Variants in SERINC5 observed in about 807,000 individuals in gnomAD.
SERINC5 encodes serine incorporator 5, also known as chromosome 5 open reading frame 12.
Under a neutral mutation model 63.1 loss-of-function variants are expected in SERINC5, and 41 were observed. The ratio of observed to expected loss-of-function variants is 0.65; its 90% CI spans 0.51 to 0.84. The LOEUF (loss-of-function observed/expected upper bound fraction) is 0.84. SERINC5 is among the 40% of genes least tolerant of loss of function. SERINC5 has a pLI of 0.00. For missense variants in SERINC5, 523 were observed against 573.0 expected (o/e 0.91, Z 0.89); for synonymous variants, 222 against 215.2 (o/e 1.03, Z -0.28).
intron 5 of SERINC5, among the ~76,000 whole-genome samples, chr5:80,170,137 A>G (rs1747554783): frequency 6.6e-6 from 1 of 152,182 alleles, no homozygotes; most frequent in African/African-American, 2.4e-5. Flanking sequence ...AGAGTTAATT[A>G]TGTAGTCTCA....
At chr5:80,186,926 CG>C (rs1748845119) in intron 2 of SERINC5, among the ~76,000 whole-genome samples, 1 of 151,964 alleles carries the variant, frequency 6.6e-6, no homozygotes, top group Admixed American at 6.6e-5. Flanking sequence ...GAGGCCAAGG[CG>C]GGCGGACTGC....
intron 4 of SERINC5, among the ~76,000 whole-genome samples, chr5:80,175,615 T>C (rs1041105584): frequency 2.0e-5 from 3 of 151,938 alleles, no homozygotes; most frequent in African/African-American, 7.3e-5. Context: ...ATGCCTGCAA[T>C]CCTAGCACTT....
At chr5:80,185,437 C>T (rs936203735) in intron 2 of SERINC5, among the ~76,000 whole-genome samples, 2 of 152,142 alleles carry the variant, frequency 1.3e-5, no homozygotes, top group Non-Finnish European at 2.9e-5. Context: ...AAGTGCTTAC[C>T]ACGGTTCCTA....
In SERINC5 at chr5:80,142,913, C is replaced by A; in HGVS notation, c.*750G>T. ...CCATAAATAAGCGCCGTACTTATTG[C>A]AGTAACTCGGATCAGGTAGTGATAA... On this transcript the variant is annotated 3_prime_UTR_variant, in exon 12 of 12. Coordinates refer to ENST00000507668, the MANE Select transcript of SERINC5 (RefSeq NM_001174072.3). The A allele has an allele frequency of 1.0e-6, 1 of 985,390 alleles. No individual in the cohort carries two copies. The highest frequency in any genetic ancestry group is 4.7e-5 in the South Asian group (1 of 21,290). The allele number at this position is 985,390 out of a possible 1,614,324, so 61.0% of individuals were successfully genotyped here.
intron 2 of SERINC5, among the ~76,000 whole-genome samples, chr5:80,196,049 C>T (rs956853098): frequency 6.6e-6 from 1 of 152,102 alleles, no homozygotes; most frequent in Non-Finnish European, 1.5e-5. Context: ...GCCAAATCAC[C>T]GTGACTGACT....
intron 1 of SERINC5, among the ~76,000 whole-genome samples, chr5:80,216,307 A>C (rs1750661604): frequency 6.6e-6 from 1 of 152,144 alleles, no homozygotes; most frequent in Admixed American, 6.5e-5. Context: ...TCTCCCCTGC[A>C]AGGCGTGATG....
intron 2 of SERINC5, among the ~76,000 whole-genome samples, chr5:80,202,311 AT>A (rs1704418317): frequency 6.6e-6 from 1 of 152,194 alleles, no homozygotes; most frequent in Non-Finnish European, 1.5e-5. Context: ...ACAAGAAAAG[AT>A]AGTATATTTC....
In SERINC5 at chr5:80,141,321, G is replaced by A. The variant is rs1184592634; in HGVS notation, c.*2342C>T. 1 of 985,344 alleles carries A rather than the reference G, an allele frequency of 1.0e-6. No individual in the cohort carries two copies. The highest frequency in any genetic ancestry group is 1.2e-6 in the Non-Finnish European group (1 of 829,946). 61.0% of individuals were successfully genotyped at this position (985,344 alleles called of 1,614,324 possible). On this transcript the variant is annotated 3_prime_UTR_variant, in exon 12 of 12. Transcript: ENST00000507668. ...ACGTTGTGTGGCTGGGCTGGCTCCA[G>A]AAGGAAGCGACGAGGGCCTTCTACC...
intron 1 of SERINC5, among the ~76,000 whole-genome samples, chr5:80,238,103 C>CAAA (rs759062486): frequency 0.018 from 1,154 of 65,582 alleles, 16 homozygotes; most frequent in Non-Finnish European, 0.028. Context: ...GACTCTGTCT[C>CAAA]AAAAAAAAAA....
At chr5:80,146,472 G>A (rs1031736554) in intron 10 of SERINC5, among the ~76,000 whole-genome samples, 6 of 152,138 alleles carry the variant, frequency 3.9e-5, no homozygotes, top group African/African-American at 1.4e-4. Flanking sequence ...TATTTTTTGA[G>A]ATGGAGTTTC....
At chr5:80,159,098 C>T (rs1328011872) in intron 7 of SERINC5, 136 bp from the exon 8 acceptor site, 2 of 808,864 alleles carry the variant, frequency 2.5e-6, no homozygotes, top group Non-Finnish European at 4.0e-6. Flanking sequence ...CTGGAAACTT[C>T]TACTCTACAG....
chr5:80,138,407 C>T (rs1007585547), downstream of SERINC5, among the ~76,000 whole-genome samples: 25 of 152,088 alleles, frequency 1.6e-4, no homozygotes, highest in Admixed American at 1.6e-3. Flanking sequence ...ACCAGCCTGG[C>T]CAACATGGCA....
At chr5:80,186,401 G>A (rs141144266) in intron 2 of SERINC5, among the ~76,000 whole-genome samples, 2,853 of 152,154 alleles carry the variant, frequency 0.019, 94 homozygotes, top group African/African-American at 0.065. Flanking sequence ...GCCCCCTAAA[G>A]TGTTGGGATT....
chr5:80,235,355 CTT>C (rs1440342828), intron 1 of SERINC5, among the ~76,000 whole-genome samples: 1 of 152,186 alleles, frequency 6.6e-6, no homozygotes, highest in African/African-American at 2.4e-5. Flanking sequence ...AGGCTAGTAA[CTT>C]TTTATTTCAA....
At chr5:80,145,932 C>T (rs1472475197) in intron 11 of SERINC5, among the ~76,000 whole-genome samples, 158 bp downstream of exon 11, 4 of 152,200 alleles carry the variant, frequency 2.6e-5, no homozygotes, top group Non-Finnish European at 5.9e-5. Flanking sequence ...ATCGCTTGAA[C>T]CTGGGAAGCA....
chr5:80,126,410 C>T (rs1362577874), intron 11 of SERINC5, among the ~76,000 whole-genome samples: 2 of 152,160 alleles, frequency 1.3e-5, no homozygotes, highest in Admixed American at 1.3e-4. Context: ...ATGACATCAG[C>T]CAGATAACCA....
In SERINC5 at chr5:80,142,271, G is replaced by A. The variant is rs528781950; in HGVS notation, c.*1392C>T. The A allele has an allele frequency of 2.3e-5, 23 of 985,358 alleles. No homozygotes were observed. The East Asian group carries it at 1.8e-3, about 78-fold the overall frequency. The allele number at this position is 985,358 out of a possible 1,614,324, so 61.0% of individuals were successfully genotyped here. On this transcript the variant is annotated 3_prime_UTR_variant, in exon 12 of 12. Transcript: ENST00000507668. The stretch of plus-strand genomic sequence containing the variant: ...CGTTTCTGTATTACTTTGCAAGTAC[G>A]TATTTTGGAAATTCCTGTGCAGCGT...
intron 1 of SERINC5, among the ~76,000 whole-genome samples, chr5:80,247,635 G>A (rs776459608): frequency 6.6e-6 from 1 of 152,158 alleles, no homozygotes; most frequent in Non-Finnish European, 1.5e-5. Flanking sequence ...TTCAAGGTAA[G>A]TGACAGAGGA....
chr5:80,200,622 GCAGT>G (rs1389318333), intron 2 of SERINC5, among the ~76,000 whole-genome samples: 4 of 152,208 alleles, frequency 2.6e-5, no homozygotes, highest in African/African-American at 7.2e-5. Flanking sequence ...AATGTTTCAA[GCAGT>G]CAGAGGGGAA....
Sources: allele counts gnomAD v4.1 joint callset (sites outside exome capture counted in the v4.1 genomes callset), GRCh38; gene constraint gnomAD v4.1.1; transcripts MANE v1.5; gene names NCBI Gene and HGNC (gene_info 2026-07-23, HGNC 2026-07-21).